The following RIMBP2 variants were observed in gnomAD, a reference collection of about 807,000 sequenced individuals.
RIMBP2 encodes RIMS-binding protein 2.
In RIMBP2, 48 loss-of-function variants were observed where a neutral mutation model predicts 118.6. The ratio of observed to expected loss-of-function variants is 0.40; its 90% CI spans 0.32 to 0.51. The LOEUF (loss-of-function observed/expected upper bound fraction) is 0.51. Ranked by LOEUF, RIMBP2 falls within the 20% of genes least tolerant of loss-of-function variation. The pLI is 0.41. For missense variants in RIMBP2, 1,551 were observed against 1,768.3 expected (o/e 0.88, Z 2.20); for synonymous variants, 762 against 742.9 (o/e 1.03, Z -0.42).
At chr12:130,477,131 T>C (rs1485333616) in intron 5 of RIMBP2, among the ~76,000 whole-genome samples, 1 of 152,232 alleles carries the variant, frequency 6.6e-6, no homozygotes, top group Non-Finnish European at 1.5e-5. Context: ...AGCATCAGTG[T>C]GTCCAAAACA....
At chr12:130,616,284 TCCC>T (rs1222641394) in intron 2 of RIMBP2, among the ~76,000 whole-genome samples, 2 of 151,424 alleles carry the variant, frequency 1.3e-5, no homozygotes, top group Non-Finnish European at 2.9e-5. Context: ...CCATCTGTTC[TCCC>T]CCCATGTCTC....
chr12:130,642,118 G>A (rs908219757), intron 1 of RIMBP2, among the ~76,000 whole-genome samples: 1 of 152,074 alleles, frequency 6.6e-6, no homozygotes, highest in Non-Finnish European at 1.5e-5. Context: ...ACTAGAGCCT[G>A]AAAGATCTTT....
chr12:130,425,686 A>T (rs1436441505), intron 15 of RIMBP2: 2 of 152,010 alleles, frequency 1.3e-5, no homozygotes, highest in Non-Finnish European at 2.9e-5. Flanking sequence ...CCCTCAACTC[A>T]CCCTCTACCC....
At chr12:130,440,669 T>C (rs936101561) in intron 11 of RIMBP2, among the ~76,000 whole-genome samples, 1 of 152,170 alleles carries the variant, frequency 6.6e-6, no homozygotes, top group Admixed American at 6.5e-5. Context: ...GTGGCCTCAT[T>C]ATCCCAGCAT....
intron 2 of RIMBP2, among the ~76,000 whole-genome samples, chr12:130,536,437 G>A (rs953613870): frequency 3.3e-5 from 5 of 152,094 alleles, no homozygotes; most frequent in East Asian, 1.9e-4. Context: ...ATCCCCCTCC[G>A]GTAATGGTTT....
At chr12:130,605,816 C>A (rs1217887879) in intron 2 of RIMBP2, among the ~76,000 whole-genome samples, 1 of 152,170 alleles carries the variant, frequency 6.6e-6, no homozygotes, top group Non-Finnish European at 1.5e-5. Flanking sequence ...GTAATCCCAG[C>A]ACTTTGGGAG....
intron 1 of RIMBP2, among the ~76,000 whole-genome samples, chr12:130,639,848 C>A (rs1274500249): frequency 6.6e-6 from 1 of 152,148 alleles, no homozygotes; most frequent in Non-Finnish European, 1.5e-5. Flanking sequence ...TGAAAACCTC[C>A]CCCAGGAAAC....
At chr12:130,590,652 C>A (rs1378025457) in intron 2 of RIMBP2, among the ~76,000 whole-genome samples, 6 of 152,188 alleles carry the variant, frequency 3.9e-5, no homozygotes, top group African/African-American at 1.4e-4. Context: ...GAGCTCCCTG[C>A]ATTTCTTCTG....
At position 130,412,802 on chromosome 12, in the gene RIMBP2, G is replaced by A. The variant is rs747992672; in HGVS notation, c.3421-15C>T. ...TCACCATAAACCTAGAGCCAAGGGG[G>A]AAAATAAATCAAGCACTGTAATTGA... On this transcript the variant is annotated splice_polypyrimidine_tract_variant and intron_variant, in intron 18 of 22. Transcript: ENST00000690449. 1.0e-5 allele frequency: 16 copies of A among 1,602,926 alleles called. No individual in the cohort carries two copies. The South Asian group carries it at 1.7e-4, about 17-fold the overall frequency.
At chr12:130,412,927 C>T (rs2075830708) in intron 18 of RIMBP2, 140 bp from the exon 19 acceptor site, 1 of 795,998 alleles carries the variant, frequency 1.3e-6, no homozygotes, top group Admixed American at 3.0e-5. Context: ...CTGCATAGGT[C>T]ACCCACGTGT....
rs1337024252 is a variant in RIMBP2 at position 130,399,709 on chromosome 12, T to C, written c.3870A>G (p.Gln1290=). ...TTGCCTTTGAGCGCATTGGCGTATC[T>C]TGAGAGTAGTGGGATGGAGCATCAG... ...YLSDAPSHYS[Q]DTPMRSKAKR... is the part of the protein sequence containing the mutation. Residue 1290 remains glutamine (Q), a synonymous_variant, in exon 22 of 23, where the codon CAA becomes CAG. Coordinates refer to ENST00000690449, the MANE Select transcript of RIMBP2 (RefSeq NM_001393629.1). 1.2e-6 allele frequency: 2 copies of C among 1,614,188 alleles called. No homozygotes were observed. The highest frequency in any genetic ancestry group is 1.1e-5 in the South Asian group (1 of 91,088).
chr12:130,411,298 C>T (rs115189502), intron 19 of RIMBP2, among the ~76,000 whole-genome samples: 280 of 152,206 alleles, frequency 1.8e-3, no homozygotes, highest in African/African-American at 6.3e-3. Flanking sequence ...CATCTGTGAA[C>T]AGAAAAAGTT....
intron 6 of RIMBP2, among the ~76,000 whole-genome samples, chr12:130,460,997 G>T (rs551668088): frequency 2.0e-5 from 3 of 152,236 alleles, no homozygotes; most frequent in South Asian, 2.1e-4. Flanking sequence ...ACCTCCTCCC[G>T]GAGGGTGTTT....
chr12:130,697,878 G>A lies in RIMBP2; in HGVS notation c.-352+18344C>T, dbSNP rs571311290. ...GGGCGAGTGTTGGTGAAGAGACAGTGAGCTCCATTTGGGATGCACTGAACT... is the reference window on the plus strand; with the variant it reads ...GGGCGAGTGTTGGTGAAGAGACAGTAAGCTCCATTTGGGATGCACTGAACT... On this transcript the variant is annotated intron_variant, in intron 1 of 22. Coordinates refer to ENST00000690449, the MANE Select transcript of RIMBP2 (RefSeq NM_001393629.1). Among the ~76,000 whole-genome samples the A allele has an allele frequency of 2.0e-5, 3 of 152,342 alleles. No individual in the cohort carries two copies. In the South Asian group the frequency reaches 6.2e-4, roughly 32 times the overall value.
Position 130,648,073 on chromosome 12 carries a change from T to TA in RIMBP2, c.-351-19618_-351-19617insT, listed in dbSNP as rs1295525825. On this transcript the variant is annotated intron_variant, in intron 1 of 22. Coordinates refer to ENST00000690449, the MANE Select transcript of RIMBP2 (RefSeq NM_001393629.1). The stretch of plus-strand genomic sequence containing the variant: ...ACGTGGTACAGAAAGCCAAAGGGCA[T>TA]GTCAGGAGTCACGCGCTGATCATCA... Among the ~76,000 whole-genome samples the TA allele has an allele frequency of 3.1e-5, 4 of 129,304 alleles. 1 individual carries two copies. 84.8% of individuals were successfully genotyped at this position (129,304 alleles called of 152,430 possible).
chr12:130,401,772 C>T (rs143016043), intron 21 of RIMBP2, among the ~76,000 whole-genome samples: 2 of 152,254 alleles, frequency 1.3e-5, no homozygotes, highest in African/African-American at 4.8e-5. Flanking sequence ...CAAGTCCCCC[C>T]TCATTAGGTC....
intron 3 of RIMBP2, among the ~76,000 whole-genome samples, chr12:130,514,950 C>G (rs2139002606): frequency 6.6e-6 from 1 of 152,240 alleles, no homozygotes; most frequent in South Asian, 2.1e-4. Context: ...GATCTCCGCT[C>G]ACTGCAAGCT....
chr12:130,616,982 A>T (rs1427156036), intron 2 of RIMBP2, among the ~76,000 whole-genome samples: 4 of 151,964 alleles, frequency 2.6e-5, no homozygotes, highest in Admixed American at 2.0e-4. Flanking sequence ...TGCTGACCTG[A>T]AGTTGGGGTG....
chr12:130,706,971 G>A (rs2066151621), intron 1 of RIMBP2, among the ~76,000 whole-genome samples: 1 of 152,146 alleles, frequency 6.6e-6, no homozygotes, highest in Admixed American at 6.5e-5. Context: ...CTACCCCATG[G>A]AAGAGAGAAA....
Sources: gnomAD v4.1 joint callset for allele counts (sites outside exome capture counted in the v4.1 genomes callset) on GRCh38, gnomAD v4.1.1 for gene constraint, MANE v1.5 for transcripts, NCBI Gene and HGNC (gene_info 2026-07-23, HGNC 2026-07-21) for gene names.